The following IQGAP2 variants were observed in gnomAD, a reference collection of about 807,000 sequenced individuals.
IQGAP2 encodes the protein IQ motif containing GTPase activating protein 2.
IQGAP2 carries 173 observed loss-of-function variants against 201.3 expected under a neutral mutation model. The observed-to-expected ratio is 0.86, with a 90% CI of 0.76 to 0.98. IQGAP2 has a LOEUF of 0.98. IQGAP2 is among the 50% of genes least tolerant of loss of function. The pLI is 0.00. For missense variants in IQGAP2, 1,687 were observed against 1,864.8 expected (o/e 0.90, Z 1.76); for synonymous variants, 675 against 673.9 (o/e 1.00, Z -0.03).
At position 76,654,807 on chromosome 5, in the gene IQGAP2, A is replaced by G. The variant is rs1319645302; in HGVS notation, c.2251-127A>G. 17 of 625,982 alleles carry G rather than the reference A, an allele frequency of 2.7e-5. No individual in the cohort carries two copies. In the East Asian group the frequency reaches 4.1e-4, roughly 15 times the overall value. The allele number at this position is 625,982 out of a possible 1,614,324, so 38.8% of individuals were successfully genotyped here. A position where few individuals can be genotyped will look rare whatever the true frequency, so the allele number is the denominator to read the frequency against. ...GAAAAATAAATGTTGAATACACCAC[A>G]TTGAAATACTGTCAGTTCTAAGTAG... On this transcript the variant is annotated intron_variant, in intron 19 of 35. Transcript: ENST00000274364.
intron 2 of IQGAP2, among the ~76,000 whole-genome samples, chr5:76,516,843 C>G (rs939434247): frequency 1.3e-4 from 20 of 152,132 alleles, no homozygotes; most frequent in African/African-American, 4.3e-4. Context: ...GCTTGCTTTC[C>G]AAAGACTAGC....
intron 15 of IQGAP2, 112 bp downstream of exon 15, chr5:76,632,138 AT>A (rs2150385689): frequency 1.1e-6 from 1 of 949,992 alleles, no homozygotes. Flanking sequence ...CATTTCTGTA[AT>A]TTTTTGTCAT....
intron 13 of IQGAP2, among the ~76,000 whole-genome samples, chr5:76,620,334 G>A (rs1034721489): frequency 6.6e-6 from 1 of 150,766 alleles, no homozygotes; most frequent in Non-Finnish European, 1.5e-5. Flanking sequence ...AGGCGAACAC[G>A]TGAGACTCTG....
In IQGAP2 at chr5:76,467,574, T is replaced by C. The variant is rs1044025333; in HGVS notation, c.146+5905T>C. ...ATGGTGCAGCTACTTTAGAAAATAG[T>C]CTGGCAGCTCTTTAAAAAATTAAAC... On this transcript the variant is annotated intron_variant, in intron 2 of 35. Transcript: ENST00000274364. Among the ~76,000 whole-genome samples, 12 of 152,340 alleles carry C rather than the reference T, an allele frequency of 7.9e-5. 1 individual carries two copies. The highest frequency in any genetic ancestry group is 2.9e-4 in the African/African-American group (12 of 41,588).
chr5:76,431,366 G>C (rs1038473634), intron 1 of IQGAP2, among the ~76,000 whole-genome samples: 1 of 151,878 alleles, frequency 6.6e-6, no homozygotes, highest in Non-Finnish European at 1.5e-5. Context: ...GTTTAATTTA[G>C]TTAATTTGGT....
At chr5:76,409,233 T>A in intron 1 of IQGAP2, among the ~76,000 whole-genome samples, 1 of 142,060 alleles carries the variant, frequency 7.0e-6, no homozygotes. Flanking sequence ...CAGCATAGAA[T>A]ACATGGGCTT....
At chr5:76,434,281 T>A (rs1752533773) in intron 1 of IQGAP2, among the ~76,000 whole-genome samples, 1 of 152,180 alleles carries the variant, frequency 6.6e-6, no homozygotes, top group Non-Finnish European at 1.5e-5. Context: ...ATTTTTAGTG[T>A]GCTTGTCACC....
rs1174694849 is a variant in IQGAP2, at chr5:76,708,114, T to C, written c.*801T>C. 8.8e-6 allele frequency: 1 copy of C among 113,162 alleles called. No homozygotes were observed. Among genetic ancestry groups the C allele is most frequent in the Non-Finnish European group, 1.8e-5 (1 of 55,758 alleles). 7.0% of individuals were successfully genotyped at this position (113,162 alleles called of 1,614,324 possible). A position where few individuals can be genotyped will look rare whatever the true frequency, so the allele number is the denominator to read the frequency against. On this transcript the variant is annotated 3_prime_UTR_variant, in exon 36 of 36. Coordinates refer to ENST00000274364, the MANE Select transcript of IQGAP2 (RefSeq NM_006633.5). ...TGGAAATTGTTTTATGTAAAATAAATGTTACTTAATTCCATTAATTTGGCT... is the reference window on the plus strand; with the variant it reads ...TGGAAATTGTTTTATGTAAAATAAACGTTACTTAATTCCATTAATTTGGCT...
intron 1 of IQGAP2, among the ~76,000 whole-genome samples, chr5:76,453,315 G>T (rs532647734): frequency 5.9e-5 from 9 of 152,146 alleles, no homozygotes; most frequent in African/African-American, 2.2e-4. Context: ...TTCTGTCTGT[G>T]TTTTTTTATT....
At chr5:76,695,372 A>C (rs545312982) in intron 31 of IQGAP2, 82 bp from the exon 32 acceptor site, 1 of 1,172,590 alleles carries the variant, frequency 8.5e-7, no homozygotes, top group Admixed American at 1.9e-5. Context: ...TTTCATTTTG[A>C]CATTAACTTG....
At chr5:76,416,117 C>T (rs1463851497) in intron 1 of IQGAP2, among the ~76,000 whole-genome samples, 1 of 152,164 alleles carries the variant, frequency 6.6e-6, no homozygotes. Context: ...TACTCATGAC[C>T]ATTCCTTCAT....
chr5:76,594,992 G>A (rs1746915186), intron 9 of IQGAP2, among the ~76,000 whole-genome samples: 1 of 149,708 alleles, frequency 6.7e-6, no homozygotes. Flanking sequence ...AAAAAAGTAA[G>A]AATCATTACT....
At chr5:76,694,186 A>ACTTT (rs944989292) in intron 31 of IQGAP2, among the ~76,000 whole-genome samples, 5 of 152,112 alleles carry the variant, frequency 3.3e-5, no homozygotes, top group Non-Finnish European at 7.4e-5. Context: ...TAATCCCAAT[A>ACTTT]CTTTGGAAGG....
At chr5:76,706,469 T>C (rs1747909430) in intron 35 of IQGAP2, among the ~76,000 whole-genome samples, 1 of 152,164 alleles carries the variant, frequency 6.6e-6, no homozygotes, top group African/African-American at 2.4e-5. Context: ...TGCCTCAGCC[T>C]CCTGAGTAGC....
At chr5:76,598,911 T>A (rs1747226159) in intron 10 of IQGAP2, among the ~76,000 whole-genome samples, 1 of 152,146 alleles carries the variant, frequency 6.6e-6, no homozygotes, top group African/African-American at 2.4e-5. Flanking sequence ...ATACTAATAT[T>A]AAGTGGGAAA....
chr5:76,672,000 G>A lies in IQGAP2; in HGVS notation c.3068+17G>A. The A allele has an allele frequency of 6.4e-7, 1 of 1,559,978 alleles. No homozygotes were observed. The highest frequency in any genetic ancestry group is 8.8e-7 in the Non-Finnish European group (1 of 1,133,268). ...AGAGGCCAGGTAATAGAATCAGGAA[G>A]GTGTTGGTCTTCTGTTATGTTTTAT... On this transcript the variant is annotated intron_variant, in intron 24 of 35. Transcript: ENST00000274364.
At chr5:76,694,654 G>T (rs144706435) in intron 31 of IQGAP2, among the ~76,000 whole-genome samples, 59 of 152,324 alleles carry the variant, frequency 3.9e-4, no homozygotes, top group African/African-American at 1.3e-3. Context: ...GTTGGCTGCT[G>T]CTTTTGTTAT....
chr5:76,609,597 T>C (rs1173099977), intron 12 of IQGAP2, among the ~76,000 whole-genome samples: 1 of 152,182 alleles, frequency 6.6e-6, no homozygotes. Context: ...GGAGATACTT[T>C]TTTTAAAAAT....
intron 5 of IQGAP2, among the ~76,000 whole-genome samples, chr5:76,588,541 T>C (rs2150304773): frequency 6.6e-6 from 1 of 152,356 alleles, no homozygotes; most frequent in East Asian, 1.9e-4. Context: ...GTACCTTCAA[T>C]AAAATAAGAA....
Sources: allele counts gnomAD v4.1 joint callset (sites outside exome capture counted in the v4.1 genomes callset), GRCh38; gene constraint gnomAD v4.1.1; transcripts MANE v1.5; gene names NCBI Gene and HGNC (gene_info 2026-07-23, HGNC 2026-07-21).